The following KCNIP4 variants were observed in gnomAD, a reference collection of about 807,000 sequenced individuals.
The protein encoded by KCNIP4 is potassium voltage-gated channel interacting protein 4, also known as Kv channel-interacting protein 4.
In KCNIP4, 12 loss-of-function variants were observed where a neutral mutation model predicts 34.0. That is an observed-to-expected ratio of 0.35 (90% CI 0.23 to 0.57). The LOEUF (loss-of-function observed/expected upper bound fraction) is 0.57. KCNIP4 is among the 20% of genes least tolerant of loss of function. The probability of loss-of-function intolerance (pLI) is 0.83; values close to 1 mark genes in which losing one functional copy is unlikely to be tolerated. For missense variants in KCNIP4, 238 were observed against 311.7 expected, an observed-to-expected ratio of 0.76 and a Z score of 1.78; for synonymous variants, 124 against 102.2, an observed-to-expected ratio of 1.21 and a Z score of -1.29.
intron 1 of KCNIP4, among the ~76,000 whole-genome samples, chr4:21,743,673 T>C (rs1211044791): frequency 1.3e-5 from 2 of 151,686 alleles, no homozygotes; most frequent in Non-Finnish European, 2.9e-5. Flanking sequence ...GCATACTTTC[T>C]CTTTTTCTCC....
chr4:21,882,695 T>C (rs1054829940), intron 1 of KCNIP4, among the ~76,000 whole-genome samples: 3 of 152,024 alleles, frequency 2.0e-5, no homozygotes, highest in Admixed American at 6.6e-5. Flanking sequence ...CTGACCCCTG[T>C]AGGGAAAGGG....
intron 1 of KCNIP4, among the ~76,000 whole-genome samples, chr4:21,855,986 A>T (rs1306682481): frequency 6.6e-6 from 1 of 152,210 alleles, no homozygotes; most frequent in Non-Finnish European, 1.5e-5. Flanking sequence ...GAGAGTTTTT[A>T]CTTAACAGTT....
intron 1 of KCNIP4, among the ~76,000 whole-genome samples, chr4:21,724,705 T>C (rs1158127472): frequency 6.6e-6 from 1 of 152,086 alleles, no homozygotes; most frequent in Non-Finnish European, 1.5e-5. Context: ...ATTTAGTAAA[T>C]ACATGCACTT....
At chr4:20,870,080 C>G (rs984624267) in intron 2 of KCNIP4, among the ~76,000 whole-genome samples, 1 of 152,002 alleles carries the variant, frequency 6.6e-6, no homozygotes, top group African/African-American at 2.4e-5. Flanking sequence ...TGCCCATTTT[C>G]GATGGGTACA....
intron 1 of KCNIP4, among the ~76,000 whole-genome samples, chr4:21,475,854 C>A (rs545995340): frequency 2.0e-4 from 30 of 152,244 alleles, no homozygotes; most frequent in Admixed American, 2.0e-3. Flanking sequence ...GCTGGTATAA[C>A]CATGTTATTT....
chr4:21,087,145 A>AGTGT (rs753858012), intron 1 of KCNIP4, among the ~76,000 whole-genome samples: 6,898 of 70,196 alleles, frequency 0.098, 262 homozygotes, highest in Admixed American at 0.15. Flanking sequence ...ACTGCTGGGT[A>AGTGT]ATGTGTGTGT....
chr4:21,771,866 G>T (rs1042457218), intron 1 of KCNIP4, among the ~76,000 whole-genome samples: 7 of 151,806 alleles, frequency 4.6e-5, no homozygotes, highest in Non-Finnish European at 1.5e-5. Context: ...AATCATGTCT[G>T]CAAACAGAAA....
At chr4:21,593,528 G>A (rs147043265) in intron 1 of KCNIP4, among the ~76,000 whole-genome samples, 159 of 152,032 alleles carry the variant, frequency 1.0e-3, no homozygotes, top group African/African-American at 3.4e-3. Context: ...GCACAAACAC[G>A]GCTCACCTCG....
At chr4:20,988,130 T>C (rs1372687447) in intron 1 of KCNIP4, among the ~76,000 whole-genome samples, 1 of 151,938 alleles carries the variant, frequency 6.6e-6, no homozygotes, top group Non-Finnish European at 1.5e-5. Flanking sequence ...AAGCCTCATA[T>C]ATGGCACTTG....
intron 1 of KCNIP4, among the ~76,000 whole-genome samples, chr4:21,571,473 C>G (rs980502894): frequency 2.0e-5 from 3 of 152,178 alleles, no homozygotes; most frequent in Non-Finnish European, 2.9e-5. Context: ...AAGAGTTTGG[C>G]TCCTTATCTT....
chr4:21,445,434 C>T (rs1727895269), intron 1 of KCNIP4, among the ~76,000 whole-genome samples: 1 of 152,056 alleles, frequency 6.6e-6, no homozygotes, highest in Admixed American at 6.6e-5. Context: ...AGATATAGAC[C>T]AACGGAACAG....
chr4:21,820,079 T>C (rs1361094887), intron 1 of KCNIP4, among the ~76,000 whole-genome samples: 1 of 151,696 alleles, frequency 6.6e-6, no homozygotes, highest in Non-Finnish European at 1.5e-5. Context: ...TAGTTTGGGT[T>C]AGAAAGTTAA....
intron 4 of KCNIP4, among the ~76,000 whole-genome samples, chr4:20,757,452 T>TCA (rs910847506): frequency 6.6e-6 from 1 of 152,144 alleles, no homozygotes; most frequent in African/African-American, 2.4e-5. Context: ...TGGCTTTGCA[T>TCA]CACCTCAAGG....
intron 1 of KCNIP4, among the ~76,000 whole-genome samples, chr4:21,415,628 G>A (rs1724893152): frequency 6.6e-6 from 1 of 152,114 alleles, no homozygotes; most frequent in African/African-American, 2.4e-5. Context: ...CTTGAATCCG[G>A]GAGACAGAGG....
At chr4:21,048,022 T>TA (rs1245332531) in intron 1 of KCNIP4, among the ~76,000 whole-genome samples, 3 of 152,348 alleles carry the variant, frequency 2.0e-5, no homozygotes, top group Middle Eastern at 3.4e-3. Context: ...AGTACATTCT[T>TA]ACAGCAACAT....
chr4:20,873,028 C>T (rs1723651367), intron 2 of KCNIP4, among the ~76,000 whole-genome samples: 1 of 152,168 alleles, frequency 6.6e-6, no homozygotes, highest in Non-Finnish European at 1.5e-5. Context: ...CACTTCATCT[C>T]TTTCCTATCT....
chr4:20,963,118 C>T (rs1030377729), intron 1 of KCNIP4, among the ~76,000 whole-genome samples: 4 of 151,674 alleles, frequency 2.6e-5, no homozygotes, highest in African/African-American at 9.7e-5. Flanking sequence ...GTGAGGGGTT[C>T]GAGACCAGCC....
At chr4:21,469,533 T>G (rs1054553960) in intron 1 of KCNIP4, among the ~76,000 whole-genome samples, 5 of 152,198 alleles carry the variant, frequency 3.3e-5, no homozygotes, top group Non-Finnish European at 7.3e-5. Context: ...TTTAAAATAT[T>G]ATCCTTTCCT....
At chr4:21,074,020 G>A (rs1184927623) in intron 1 of KCNIP4, among the ~76,000 whole-genome samples, 1 of 152,134 alleles carries the variant, frequency 6.6e-6, no homozygotes, top group African/African-American at 2.4e-5. Flanking sequence ...TTTTTGATGT[G>A]CTGCTGGATT....
Sources: gnomAD v4.1 joint callset for allele counts (sites outside exome capture counted in the v4.1 genomes callset) on GRCh38, gnomAD v4.1.1 for gene constraint, MANE v1.5 for transcripts, NCBI Gene and HGNC (gene_info 2026-07-23, HGNC 2026-07-21) for gene names.